The following EXTL3 variants were observed in gnomAD, a reference collection of about 807,000 sequenced individuals.
EXTL3 encodes exostosin-like 3.
In EXTL3, 27 loss-of-function variants were observed where a neutral mutation model predicts 69.3. The observed-to-expected ratio is 0.39, with a 90% CI of 0.29 to 0.54. The LOEUF (loss-of-function observed/expected upper bound fraction) is 0.54. Among genes scored for constraint, EXTL3 ranks in the 20% least tolerant of loss-of-function variants. The pLI is 0.69. For missense variants in EXTL3, 1,003 were observed against 1,231.8 expected (o/e 0.81, Z 2.78); for synonymous variants, 511 against 499.4 (o/e 1.02, Z -0.31).
chr8:28,681,830 G>C (rs929083691), intron 1 of EXTL3, among the ~76,000 whole-genome samples: 20 of 152,266 alleles, frequency 1.3e-4, no homozygotes, highest in African/African-American at 4.6e-4. Flanking sequence ...GAGGCAGGCG[G>C]ATTACCAGAG....
chr8:28,650,176 A>G (rs1346308124), intron 1 of EXTL3, among the ~76,000 whole-genome samples: 1 of 146,742 alleles, frequency 6.8e-6, no homozygotes, highest in East Asian at 2.0e-4. Context: ...AGCCGGGGTG[A>G]CAGAGTGAGA....
Position 28,716,922 on chromosome 8 carries a change from T to C in EXTL3, c.863T>C (p.Leu288Pro). 1 of 1,614,192 alleles carries C rather than the reference T, an allele frequency of 6.2e-7. No individual in the cohort carries two copies. Among genetic ancestry groups the C allele is most frequent in the Non-Finnish European group, 8.5e-7 (1 of 1,180,030 alleles). The change falls in exon 3 of 7, where the codon CTC becomes CCC. Residue 288 changes from leucine to proline, a missense_variant. By Grantham distance (98) the Leu-to-Pro change is moderately conservative. This residue lies in a region of EXTL3 where 742 missense variants were observed against 815.4 expected (regional missense o/e 0.91). Coordinates refer to ENST00000220562, the MANE Select transcript of EXTL3 (RefSeq NM_001440.4). The surrounding 1 kb of genome is among the most constrained non-coding windows in gnomAD (Gnocchi z 7.1). Reference protein sequence around the residue: ...LSRKSDTQNLLYNVSTGRAMV... With the variant: ...LSRKSDTQNLPYNVSTGRAMV... Reference sequence around the variant, plus strand: ...CGTAAGTCAGATACACAGAACCTTCTCTATAACGTCAGTACTGGCCGTGCC... The same window carrying C: ...CGTAAGTCAGATACACAGAACCTTCCCTATAACGTCAGTACTGGCCGTGCC...
rs775551682 is a variant in EXTL3, at chr8:28,731,230, G to A, written c.2156G>A (p.Arg719His). Residue 719 changes from arginine to histidine, a missense_variant, in exon 4 of 7, where the codon CGT becomes CAT. Transcript: ENST00000220562. ...TTTCCTTCCTCATCACAGGTGGTCC[G>A]TACTGAGAAGAACAGTTTGAACAAC... ...PDIGVPIMVV[R>H]TEKNSLNNRF... 1.3e-5 allele frequency: 21 copies of A among 1,613,962 alleles called. No homozygotes were observed. The Middle Eastern group carries it at 4.9e-4, about 38-fold the overall frequency.
chr8:28,724,758 C>T (rs1196734345), intron 3 of EXTL3, among the ~76,000 whole-genome samples: 1 of 152,154 alleles, frequency 6.6e-6, no homozygotes, highest in Non-Finnish European at 1.5e-5. Flanking sequence ...CGAGATCGTG[C>T]CACTGCACTC....
chr8:28,694,819 C>T (rs951309580), intron 1 of EXTL3, among the ~76,000 whole-genome samples: 1 of 152,176 alleles, frequency 6.6e-6, no homozygotes, highest in African/African-American at 2.4e-5. Flanking sequence ...CGAGACCAGA[C>T]TGGGCAACCT....
intron 4 of EXTL3, among the ~76,000 whole-genome samples, chr8:28,733,183 G>A (rs919386874): frequency 6.6e-6 from 1 of 151,960 alleles, no homozygotes; most frequent in Non-Finnish European, 1.5e-5. Context: ...TAATGTGGGT[G>A]GATCATGATA....
chr8:28,630,838 A>G (rs964190949), intron 1 of EXTL3, among the ~76,000 whole-genome samples: 4 of 152,240 alleles, frequency 2.6e-5, no homozygotes, highest in African/African-American at 9.6e-5. Flanking sequence ...GGAAATGCAT[A>G]CAGGAAAGAA....
chr8:28,686,479 A>G (rs1807579455), intron 1 of EXTL3, among the ~76,000 whole-genome samples: 1 of 152,152 alleles, frequency 6.6e-6, no homozygotes, highest in South Asian at 2.1e-4. Flanking sequence ...AGGGCTCTTC[A>G]TGTGTGGAGA....
intron 1 of EXTL3, among the ~76,000 whole-genome samples, chr8:28,661,646 G>A (rs1041822240): frequency 4.0e-5 from 6 of 151,778 alleles, no homozygotes; most frequent in Non-Finnish European, 5.9e-5. Flanking sequence ...TTGGGAGGCC[G>A]AGGTGGGTGG....
At chr8:28,688,791 A>G (rs1800567001) in intron 1 of EXTL3, among the ~76,000 whole-genome samples, 1 of 152,254 alleles carries the variant, frequency 6.6e-6, no homozygotes, top group Admixed American at 6.5e-5. Flanking sequence ...TAACTGATCA[A>G]GCAAGAGTTA....
intron 1 of EXTL3, chr8:28,710,619 T>C: frequency 3.4e-5 from 12 of 356,000 alleles, no homozygotes; most frequent in African/African-American, 6.7e-5. Flanking sequence ...CTTTCTTTTT[T>C]TTTTTTTTTT....
At chr8:28,683,928 G>A (rs1345938192) in intron 1 of EXTL3, among the ~76,000 whole-genome samples, 2 of 150,370 alleles carry the variant, frequency 1.3e-5, no homozygotes, top group Non-Finnish European at 2.9e-5. Context: ...TTCCCCCACC[G>A]CTGCCCTTTC....
At chr8:28,701,009 A>C (rs530631161), upstream of EXTL3, 13 of 152,406 alleles carry the variant, frequency 8.5e-5, no homozygotes, top group East Asian at 2.5e-3. Context: ...CTAAGCGTCC[A>C]AGCCGCCCGG....
At chr8:28,703,793 C>A (rs950468586) in intron 1 of EXTL3, among the ~76,000 whole-genome samples, 4 of 152,170 alleles carry the variant, frequency 2.6e-5, no homozygotes, top group African/African-American at 7.2e-5. Context: ...CTACTCCATT[C>A]GCTGGTTATT....
intron 3 of EXTL3, among the ~76,000 whole-genome samples, chr8:28,727,427 C>A (rs1023241350): frequency 6.6e-6 from 1 of 152,198 alleles, no homozygotes; most frequent in Admixed American, 6.5e-5. Context: ...TATTTGACCT[C>A]CAGCTGCATG....
intron 1 of EXTL3, among the ~76,000 whole-genome samples, chr8:28,686,271 A>G (rs1039129378): frequency 1.3e-5 from 2 of 151,888 alleles, no homozygotes; most frequent in South Asian, 4.2e-4. Context: ...ATGGGGGTGG[A>G]TCACTTGAGC....
intron 1 of EXTL3, among the ~76,000 whole-genome samples, chr8:28,688,786 G>T (rs188348365): frequency 1.3e-5 from 2 of 152,202 alleles, no homozygotes; most frequent in Admixed American, 6.6e-5. Flanking sequence ...GAGAATAACT[G>T]ATCAAGCAAG....
At chr8:28,704,238 C>T (rs1002708387) in intron 1 of EXTL3, among the ~76,000 whole-genome samples, 5 of 152,126 alleles carry the variant, frequency 3.3e-5, no homozygotes, top group African/African-American at 1.2e-4. Flanking sequence ...CACATGCACC[C>T]AAATGACCCA....
chr8:28,750,966 G>A lies in EXTL3; in HGVS notation c.*100G>A. 9.6e-7 allele frequency: 1 copy of A among 1,036,852 alleles called. No homozygotes were observed. The highest frequency in any genetic ancestry group is 1.9e-5 in the Admixed American group (1 of 52,200). The allele number at this position is 1,036,852 out of a possible 1,614,324, so 64.2% of individuals were successfully genotyped here. On this transcript the variant is annotated 3_prime_UTR_variant, in exon 7 of 7. Coordinates refer to ENST00000220562, the MANE Select transcript of EXTL3 (RefSeq NM_001440.4). The surrounding 1 kb of genome is among the most constrained non-coding windows in gnomAD (Gnocchi z 5.2). Reference sequence around the variant, plus strand: ...ACCTTGGGCACATCTGCTGGTGGGTGGCCCAGAGCCTCTGCTGGAAGGGGC... The same window carrying A: ...ACCTTGGGCACATCTGCTGGTGGGTAGCCCAGAGCCTCTGCTGGAAGGGGC...
Sources: gnomAD v4.1 joint callset for allele counts (sites outside exome capture counted in the v4.1 genomes callset) on GRCh38, gnomAD v4.1.1 for gene constraint, gnomAD v4.1.1 regional missense constraint, Gnocchi (gnomAD v3.1) non-coding constraint, MANE v1.5 for transcripts, NCBI Gene and HGNC (gene_info 2026-07-23, HGNC 2026-07-21) for gene names.